The following LIN54 variants were observed in gnomAD, a reference collection of about 807,000 sequenced individuals.
The protein encoded by LIN54 is protein lin-54 homolog.
Under a neutral mutation model 78.7 loss-of-function variants are expected in LIN54, and 9 were observed. The ratio of observed to expected loss-of-function variants is 0.11; its 90% CI spans 0.07 to 0.20. The LOEUF (loss-of-function observed/expected upper bound fraction) is 0.20, where lower values mean the gene tolerates loss of function less well. Among genes scored for constraint, LIN54 ranks in the 10% least tolerant of loss-of-function variants. LIN54 has a pLI of 1.00. For missense variants in LIN54, 573 were observed against 889.9 expected, an observed-to-expected ratio of 0.64 and a Z score of 4.53; for synonymous variants, 269 against 318.4, an observed-to-expected ratio of 0.84 and a Z score of 1.65.
intron 5 of LIN54, 54 bp downstream of exon 5, chr4:82,946,204 T>C: frequency 7.0e-7 from 1 of 1,433,778 alleles, no homozygotes; most frequent in African/African-American, 1.4e-5. Flanking sequence ...TGGACAAATG[T>C]TCTTTAATCA....
At chr4:82,946,795 G>T (rs992770300) in intron 4 of LIN54, among the ~76,000 whole-genome samples, 5 of 151,974 alleles carry the variant, frequency 3.3e-5, no homozygotes, top group East Asian at 1.9e-4. Flanking sequence ...TATAAGAAAA[G>T]AATTATTTTA....
intron 4 of LIN54, among the ~76,000 whole-genome samples, chr4:82,947,223 A>ATTTTTTTTT (rs1339545376): frequency 5.7e-5 from 1 of 17,512 alleles, no homozygotes; most frequent in African/African-American, 1.8e-4. Flanking sequence ...ATATATATAT[A>ATTTTTTTTT]TATATATATA....
chr4:82,947,778 G>C (rs970709843), intron 4 of LIN54, among the ~76,000 whole-genome samples: 1 of 151,850 alleles, frequency 6.6e-6, no homozygotes, highest in African/African-American at 2.4e-5. Context: ...CAGATATATA[G>C]TATTATTTTA....
rs34511957 is a variant in LIN54, at chr4:82,947,235, A to ATTT, written c.952-764_952-762dup. On this transcript the variant is annotated intron_variant, in intron 4 of 12. Transcript: ENST00000340417. ...TATATATATATATATATATATATATATTTTTTTTTTTTTTGAAGACAGGGT... is the reference window on the plus strand; with the variant it reads ...TATATATATATATATATATATATATATTTTTTTTTTTTTTTTTGAAGACAGGGT... 5.4e-4 allele frequency among the ~76,000 whole-genome samples: 24 copies of ATTT among 44,280 alleles called. 1 individual carries two copies. The highest frequency in any genetic ancestry group is 8.3e-4 in the Admixed American group (2 of 2,412). 29.0% of individuals were successfully genotyped at this position (44,280 alleles called of 152,430 possible).
At chr4:83,004,234 A>G (rs1729104310) in intron 1 of LIN54, among the ~76,000 whole-genome samples, 1 of 151,932 alleles carries the variant, frequency 6.6e-6, no homozygotes, top group Non-Finnish European at 1.5e-5. Context: ...CGTCTCTACT[A>G]AAAATACCAA....
intron 5 of LIN54, among the ~76,000 whole-genome samples, chr4:82,944,511 TATG>T (rs902268109): frequency 2.7e-4 from 41 of 152,226 alleles, no homozygotes; most frequent in Middle Eastern, 3.4e-3. Flanking sequence ...TCATTAAGAT[TATG>T]ATAATGATTT....
intron 1 of LIN54, among the ~76,000 whole-genome samples, chr4:82,985,739 C>T (rs910339364): frequency 1.3e-5 from 2 of 152,176 alleles, no homozygotes; most frequent in African/African-American, 2.4e-5. Flanking sequence ...CAGGGTTTTG[C>T]CATGTTGGCC....
intron 11 of LIN54, among the ~76,000 whole-genome samples, chr4:82,934,716 CTAATTAAT>C (rs148698522): frequency 6.6e-6 from 1 of 152,004 alleles, no homozygotes; most frequent in Non-Finnish European, 1.5e-5. Context: ...AATAAATAAA[CTAATTAAT>C]TAATTAATTC....
intron 2 of LIN54, among the ~76,000 whole-genome samples, chr4:82,983,556 T>C (rs1054706601): frequency 4.6e-5 from 7 of 152,168 alleles, no homozygotes; most frequent in African/African-American, 1.7e-4. Context: ...ACGAAAGTTT[T>C]CCATAACTGG....
At chr4:83,004,917 CAG>C (rs1472123700) in intron 1 of LIN54, among the ~76,000 whole-genome samples, 2 of 152,080 alleles carry the variant, frequency 1.3e-5, no homozygotes, top group African/African-American at 4.8e-5. Flanking sequence ...GTTTTTGAGA[CAG>C]AGTCTGGCTC....
chr4:82,999,617 A>G (rs1728561630), intron 1 of LIN54, among the ~76,000 whole-genome samples: 1 of 151,770 alleles, frequency 6.6e-6, no homozygotes, highest in Admixed American at 6.6e-5. Context: ...TCTCTACCAA[A>G]AAATACAAAA....
In LIN54 at chr4:82,938,470, T is replaced by C. The variant is rs756367820; in HGVS notation, c.1475A>G (p.Asn492Ser). 4 of 1,611,168 alleles carry C rather than the reference T, an allele frequency of 2.5e-6. No individual in the cohort carries two copies. Among genetic ancestry groups the C allele is most frequent in the Non-Finnish European group, 3.4e-6 (4 of 1,177,456 alleles). The change falls in exon 8 of 13, where the codon AAC (asparagine) becomes AGC (serine). Residue 492 changes from asparagine to serine, a missense_variant. Coordinates refer to ENST00000340417, the MANE Select transcript of LIN54 (RefSeq NM_194282.4). Reference protein sequence around the residue: ...QQSSYVSIASNSTFTGTSGIQ... With the variant: ...QQSSYVSIASSSTFTGTSGIQ... The stretch of plus-strand genomic sequence containing the variant: ...ACCAGATGTTCCAGTAAAGGTAGAG[T>C]TGCTTGCTATTGATACATATGAAGA...
chr4:82,954,236 A>T (rs923390916), intron 4 of LIN54, among the ~76,000 whole-genome samples: 13 of 152,232 alleles, frequency 8.5e-5, no homozygotes, highest in African/African-American at 2.4e-4. Context: ...ACAGAGAAAA[A>T]TATTTGTAAC....
chr4:82,976,463 A>G (rs1369866356), intron 3 of LIN54, among the ~76,000 whole-genome samples: 1 of 152,102 alleles, frequency 6.6e-6, no homozygotes, highest in African/African-American at 2.4e-5. Flanking sequence ...TAGTCCCAGC[A>G]CTTTGGGAGG....
At chr4:82,998,380 TA>T (rs1728422845) in intron 1 of LIN54, among the ~76,000 whole-genome samples, 3 of 151,602 alleles carry the variant, frequency 2.0e-5, no homozygotes, top group Non-Finnish European at 2.9e-5. Context: ...CCGTCTCTAC[TA>T]AAACTACAAA....
intron 4 of LIN54, among the ~76,000 whole-genome samples, chr4:82,965,461 AC>A (rs1725126826): frequency 6.6e-6 from 1 of 152,184 alleles, no homozygotes; most frequent in South Asian, 2.1e-4. Context: ...CATGGGAAAC[AC>A]CTAGGCTTCC....
chr4:82,946,048 G>C (rs947016662), intron 5 of LIN54, among the ~76,000 whole-genome samples: 10 of 152,056 alleles, frequency 6.6e-5, no homozygotes, highest in African/African-American at 2.4e-4. Flanking sequence ...ACTATTATCT[G>C]GTATAATACC....
Position 82,932,092 on chromosome 4 carries a change from A to AATT in LIN54, c.1846-948_1846-947insAAT, listed in dbSNP as rs370483165. ...CTGGTTAACAGGTCTGTGTATTTTA[A>AATT]TTTTTTTTTTTTTTTTTTTTGAGAT... On this transcript the variant is annotated intron_variant, in intron 11 of 12. Coordinates refer to ENST00000340417, the MANE Select transcript of LIN54 (RefSeq NM_194282.4). Among the ~76,000 whole-genome samples the AATT allele has an allele frequency of 3.2e-4, 40 of 124,844 alleles. 2 individuals carry two copies. In the East Asian group the frequency reaches 5.0e-3, roughly 16 times the overall value. 81.9% of individuals were successfully genotyped at this position (124,844 alleles called of 152,430 possible).
chr4:82,957,149 TAAAAGC>T (rs1203939210), intron 4 of LIN54, among the ~76,000 whole-genome samples: 8 of 152,200 alleles, frequency 5.3e-5, no homozygotes, highest in Admixed American at 6.5e-5. Context: ...GCTTCACAGA[TAAAAGC>T]AAAAGCAATC....
Sources: gnomAD v4.1 joint callset for allele counts (sites outside exome capture counted in the v4.1 genomes callset) on GRCh38, gnomAD v4.1.1 for gene constraint, MANE v1.5 for transcripts, NCBI Gene and HGNC (gene_info 2026-07-23, HGNC 2026-07-21) for gene names.